The following ZNF330 variants were observed in gnomAD, a reference collection of about 807,000 sequenced individuals.
ZNF330 encodes zinc finger protein 330.
A neutral mutation model predicts 45.5 loss-of-function variants in ZNF330; 31 were observed. The observed-to-expected ratio is 0.68, with a 90% CI of 0.51 to 0.92. The LOEUF (loss-of-function observed/expected upper bound fraction) is 0.92. Ranked by LOEUF, ZNF330 falls within the 40% of genes least tolerant of loss-of-function variation. ZNF330 has a pLI of 0.00. For synonymous variants in ZNF330, 138 were observed against 123.2 expected (o/e 1.12, Z -0.79); for missense variants, 356 against 387.4 (o/e 0.92, Z 0.68).
chr4:141,222,368 GA>G lies in ZNF330; in HGVS notation c.1del, dbSNP rs1394668091. The G allele has an allele frequency of 6.2e-7, 1 of 1,611,398 alleles. No homozygotes were observed. On this transcript the variant is annotated 5_prime_UTR_variant, in exon 2 of 10. Coordinates refer to ENST00000262990, the MANE Select transcript of ZNF330 (RefSeq NM_014487.6). ...TCTGTTCTCTTGTGTCAAAATAGGGGAAAATGCCTAAAAAAAAGACTGGTGC... is the reference window on the plus strand; with the variant it reads ...TCTGTTCTCTTGTGTCAAAATAGGGGAAATGCCTAAAAAAAAGACTGGTGC...
chr4:141,226,916 TA>T, intron 5 of ZNF330, 70 bp downstream of exon 5: 2 of 1,234,538 alleles, frequency 1.6e-6, no homozygotes, highest in African/African-American at 1.5e-5. Flanking sequence ...GATCAGTGGT[TA>T]TTTTTTTCTA....
rs147133075 is a variant in ZNF330 at position 141,232,636 on chromosome 4, A to G, written c.682A>G (p.Met228Val). The G allele has an allele frequency of 2.4e-4, 370 of 1,549,860 alleles. 3 individuals are homozygous for G. In the African/African-American group the frequency reaches 4.3e-3, roughly 18 times the overall value. ...HETQETKDLS[M>V]STRSLKFGRQ... ...AACTCAGGAGACTAAGGACCTTAGC[A>G]TGTCAAGTAAGGCCCTTAAGATACT... Residue 228 changes from methionine to valine, a missense_variant, in exon 9 of 10, where the codon ATG (methionine) becomes GTG (valine). Physicochemically the swap from Met to Val is conservative, Grantham distance 21. Coordinates refer to ENST00000262990, the MANE Select transcript of ZNF330 (RefSeq NM_014487.6).
intron 7 of ZNF330, among the ~76,000 whole-genome samples, chr4:141,230,482 GT>G (rs1177471169): frequency 6.6e-6 from 1 of 152,088 alleles, no homozygotes; most frequent in Admixed American, 6.6e-5. Context: ...GGTTGGGCCA[GT>G]TTTTCATTTT....
intron 4 of ZNF330, among the ~76,000 whole-genome samples, chr4:141,225,867 GTGT>G (rs1246350769): frequency 6.6e-6 from 1 of 152,010 alleles, no homozygotes; most frequent in Non-Finnish European, 1.5e-5. Flanking sequence ...AAATTTTGTA[GTGT>G]TGTTAGATGG....
In ZNF330 at chr4:141,224,603, C is replaced by T. The variant is rs764356002; in HGVS notation, c.141-4C>T. On this transcript the variant is annotated splice_polypyrimidine_tract_variant and splice_region_variant and intron_variant, in intron 3 of 9. Coordinates refer to ENST00000262990, the MANE Select transcript of ZNF330 (RefSeq NM_014487.6). Reference sequence around the variant, plus strand: ...TAATTTAAAATTTTATTTTACATGACAAGGCGGCAGAAGAATAGAGCATTT... The same window carrying T: ...TAATTTAAAATTTTATTTTACATGATAAGGCGGCAGAAGAATAGAGCATTT... 1 of 1,613,316 alleles carries T rather than the reference C, an allele frequency of 6.2e-7. No homozygotes were observed.
Position 141,224,377 on chromosome 4 carries a change from G to A in ZNF330, c.121-110G>A, listed in dbSNP as rs565620814. ...ACATGGGTGGAGTTGGGGCTTTGGT[G>A]TAGTGTCACTTAAATTTTAACCTGA... On this transcript the variant is annotated intron_variant, in intron 2 of 9. Coordinates refer to ENST00000262990, the MANE Select transcript of ZNF330 (RefSeq NM_014487.6). 1.1e-5 allele frequency: 11 copies of A among 969,414 alleles called. No homozygotes were observed. In the Admixed American group the frequency reaches 1.8e-4, roughly 16 times the overall value. The allele number at this position is 969,414 out of a possible 1,614,324, so 60.1% of individuals were successfully genotyped here.
Position 141,234,007 on chromosome 4 carries a change from C to A in ZNF330, c.*18C>A, listed in dbSNP as rs777330367. On this transcript the variant is annotated 3_prime_UTR_variant, in exon 10 of 10. Transcript: ENST00000262990. ...AGAACTAGGGGAGCTGCTCTGGTGGCCGTGTGTGAGAGGAGCAGGAGTGAG... is the reference window on the plus strand; with the variant it reads ...AGAACTAGGGGAGCTGCTCTGGTGGACGTGTGTGAGAGGAGCAGGAGTGAG... 6.3e-7 allele frequency: 1 copy of A among 1,599,602 alleles called. No homozygotes were observed. Among genetic ancestry groups the A allele is most frequent in the Non-Finnish European group, 8.5e-7 (1 of 1,172,802 alleles).
At position 141,233,848 on chromosome 4, in the gene ZNF330, G is replaced by A. The variant is rs1384908497; in HGVS notation, c.822G>A (p.Glu274=). Residue 274 remains glutamate, a synonymous_variant, in exon 10 of 10, where the codon GAG becomes GAA. Transcript: ENST00000262990. Reference sequence around the variant, plus strand: ...GCTACCACGATGAGGAGGAGGATGAGTATGAAGCAGAGGATGATGAAGAGG... The same window carrying A: ...GCTACCACGATGAGGAGGAGGATGAATATGAAGCAGAGGATGATGAAGAGG... ...DTSYHDEEED[E]YEAEDDEEEE... is the part of the protein sequence containing the mutation. 1.2e-6 allele frequency: 2 copies of A among 1,613,718 alleles called. No individual in the cohort carries two copies. The highest frequency in any genetic ancestry group is 3.3e-5 in the Admixed American group (2 of 59,940).
intron 1 of ZNF330, among the ~76,000 whole-genome samples, chr4:141,222,146 A>G (rs1274611294): frequency 6.6e-6 from 1 of 152,202 alleles, no homozygotes; most frequent in African/African-American, 2.4e-5. Context: ...TTACATTTTT[A>G]GAATCGTTAG....
chr4:141,233,741 A>G lies in ZNF330; in HGVS notation c.715A>G (p.Thr239Ala), dbSNP rs1377442214. 6.2e-7 allele frequency: 1 copy of G among 1,613,350 alleles called. No homozygotes were observed. Among genetic ancestry groups the G allele is most frequent in the South Asian group, 1.1e-5 (1 of 91,046 alleles). The change falls in exon 10 of 10, where the codon ACT becomes GCT. Residue 239 changes from threonine to alanine, a missense_variant. Thr to Ala is a moderately conservative substitution (Grantham distance 58). Transcript: ENST00000262990. The part of the protein sequence containing the change: ...STRSLKFGRQ[T>A]GGEEGDGASG... ...ACGCTCCCTGAAATTTGGCAGGCAG[A>G]CTGGAGGTGAAGAGGGAGATGGAGC... is the stretch of plus-strand genomic sequence containing the variant.
Position 141,224,689 on chromosome 4 carries a change from A to C in ZNF330, c.211+12A>C. ...TTGTGCACAGTGTGGTAAGTTTGTA[A>C]TAATTAAGGACATATGCTTTTTATC... On this transcript the variant is annotated intron_variant, in intron 4 of 9. Transcript: ENST00000262990. The C allele has an allele frequency of 6.2e-7, 1 of 1,609,690 alleles. No individual in the cohort carries two copies. Among genetic ancestry groups the C allele is most frequent in the East Asian group, 2.2e-5 (1 of 44,788 alleles).
intron 7 of ZNF330, among the ~76,000 whole-genome samples, 180 bp from the exon 8 acceptor site, chr4:141,231,259 A>C (rs1464106630): frequency 6.6e-6 from 1 of 152,078 alleles, no homozygotes; most frequent in Non-Finnish European, 1.5e-5. Flanking sequence ...TATAATAATA[A>C]ATTTAATTAT....
intron 2 of ZNF330, chr4:141,223,891 A>C: frequency 2.3e-6 from 1 of 441,758 alleles, no homozygotes; most frequent in Non-Finnish European, 4.5e-6. Flanking sequence ...CGAATAAGTA[A>C]AGACATGGAG....
intron 4 of ZNF330, 138 bp downstream of exon 4, chr4:141,224,815 A>G (rs1020589585): frequency 1.1e-5 from 8 of 697,862 alleles, no homozygotes; most frequent in Non-Finnish European, 1.9e-5. Flanking sequence ...ACAAAATAAC[A>G]AAACATGTTA....
At chr4:141,232,788 C>T (rs933289527) in intron 9 of ZNF330, 146 bp downstream of exon 9, 16 of 432,692 alleles carry the variant, frequency 3.7e-5, no homozygotes, top group Non-Finnish European at 5.0e-5. Flanking sequence ...AATTTTACAG[C>T]TTAGGAAAAT....
At chr4:141,227,853 T>C (rs533239630) in intron 5 of ZNF330, among the ~76,000 whole-genome samples, 4 of 152,124 alleles carry the variant, frequency 2.6e-5, no homozygotes, top group Non-Finnish European at 4.4e-5. Context: ...ACATATAGGA[T>C]TTTTTAAAGT....
intron 5 of ZNF330, among the ~76,000 whole-genome samples, chr4:141,227,878 GA>G (rs1284360690): frequency 1.3e-4 from 19 of 151,928 alleles, no homozygotes. Flanking sequence ...TCAGCTTTTT[GA>G]ATAATAAAAC....
In ZNF330 at chr4:141,230,186, TC is replaced by T; in HGVS notation, c.440del (p.Ser147PhefsTer22). On this transcript the variant is annotated frameshift_variant, in exon 7 of 10. Coordinates refer to ENST00000262990, the MANE Select transcript of ZNF330 (RefSeq NM_014487.6). LOFTEE classifies it high-confidence loss of function. ...AATAGGAGGCAGAATATTCAGTTGT[TC>T]TTTTTGCCATAACTTTCTCTGTGAA... ...WDHGGRIFSC[S>X]FCHNFLCEDD... The T allele has an allele frequency of 5.6e-6, 9 of 1,610,070 alleles. No homozygotes were observed. The highest frequency in any genetic ancestry group is 7.6e-6 in the Non-Finnish European group (9 of 1,178,054).
At chr4:141,226,688 C>A (rs1188007068) in intron 4 of ZNF330, 79 bp from the exon 5 acceptor site, 8 of 1,077,830 alleles carry the variant, frequency 7.4e-6, no homozygotes, top group Non-Finnish European at 9.8e-6. Context: ...GGAACTTGGG[C>A]TGGATAAAAG....
Sources: gnomAD v4.1 joint callset for allele counts (sites outside exome capture counted in the v4.1 genomes callset) on GRCh38, gnomAD v4.1.1 for gene constraint, MANE v1.5 for transcripts, NCBI Gene and HGNC (gene_info 2026-07-23, HGNC 2026-07-21) for gene names.